The following E2F5 variants were observed in gnomAD, a reference collection of about 807,000 sequenced individuals.
The protein encoded by E2F5 is transcription factor E2F5.
A neutral mutation model predicts 39.1 loss-of-function variants in E2F5; 23 were observed. The ratio of observed to expected loss-of-function variants is 0.59; its 90% CI spans 0.42 to 0.83. The LOEUF (loss-of-function observed/expected upper bound fraction) is 0.83. Ranked by LOEUF, E2F5 falls within the 40% of genes least tolerant of loss-of-function variation. The pLI is 0.00. For missense variants in E2F5, 365 were observed against 406.7 expected, an observed-to-expected ratio of 0.90 and a Z score of 0.88; for synonymous variants, 145 against 157.8, an observed-to-expected ratio of 0.92 and a Z score of 0.61.
At chr8:85,201,314 A>G (rs1812694824) in intron 1 of E2F5, among the ~76,000 whole-genome samples, 1 of 152,218 alleles carries the variant, frequency 6.6e-6, no homozygotes, top group Non-Finnish European at 1.5e-5. Context: ...AGAGACACAA[A>G]TATTTGTAAC....
rs1237321560 is a variant in E2F5 at position 85,206,019 on chromosome 8, T to C, written c.507-158T>C. ...AGCAAAGGATGGGAACTCCTTTGTC[T>C]TTACCTTTCTAGACTAGACTTCTTT... On this transcript the variant is annotated intron_variant, in intron 3 of 7. Transcript: ENST00000416274. 9.2e-6 allele frequency: 6 copies of C among 649,002 alleles called. No individual in the cohort carries two copies. In the Admixed American group the frequency reaches 1.3e-4, roughly 14 times the overall value. 40.2% of individuals were successfully genotyped at this position (649,002 alleles called of 1,614,324 possible).
chr8:85,213,843 TC>T lies in E2F5; in HGVS notation c.1024del (p.Gln342ArgfsTer3). On this transcript the variant is annotated frameshift_variant, in exon 8 of 8. Transcript: ENST00000416274. LOFTEE classifies it high-confidence loss of function. Reference sequence around the variant, plus strand: ...GAAGGAGTTTGTGATCTGTTTGATGTCCAGATACTAAATTATTAGATTCCAT... The same window carrying T: ...GAAGGAGTTTGTGATCTGTTTGATGTCAGATACTAAATTATTAGATTCCAT... ...DNEGVCDLFD[V>X]QILNY 6.2e-7 allele frequency: 1 copy of T among 1,604,558 alleles called. No homozygotes were observed.
chr8:85,190,669 A>G (rs1812443022), intron 1 of E2F5, among the ~76,000 whole-genome samples: 1 of 151,656 alleles, frequency 6.6e-6, no homozygotes, highest in African/African-American at 2.4e-5. Context: ...ATGCCCAGGT[A>G]ATTTTTGTAT....
chr8:85,196,476 T>A (rs1812583458), intron 1 of E2F5, among the ~76,000 whole-genome samples: 1 of 152,202 alleles, frequency 6.6e-6, no homozygotes, highest in Non-Finnish European at 1.5e-5. Context: ...ATCTTTCTGT[T>A]TTTTCAGGCC....
chr8:85,190,726 A>G (rs1812444263), intron 1 of E2F5, among the ~76,000 whole-genome samples: 1 of 151,470 alleles, frequency 6.6e-6, no homozygotes, highest in Non-Finnish European at 1.5e-5. Flanking sequence ...CTGGTCTCGA[A>G]CTCCTGACCT....
Position 85,214,492 on chromosome 8 carries a change from A to C in E2F5, c.*630A>C. The C allele has an allele frequency of 4.5e-6, 5 of 1,120,982 alleles. No individual in the cohort carries two copies. Among genetic ancestry groups the C allele is most frequent in the Non-Finnish European group, 6.7e-6 (5 of 748,528 alleles). The allele number at this position is 1,120,982 out of a possible 1,614,324, so 69.4% of individuals were successfully genotyped here. ...ATGCCTGTACATTAACAAGATTTTT[A>C]AAAATAAAATTGTATAAAACATTCA... On this transcript the variant is annotated 3_prime_UTR_variant, in exon 8 of 8. Coordinates refer to ENST00000416274, the MANE Select transcript of E2F5 (RefSeq NM_001951.4).
intron 6 of E2F5, among the ~76,000 whole-genome samples, chr8:85,210,394 C>T (rs374671678): frequency 6.6e-6 from 1 of 151,994 alleles, no homozygotes; most frequent in Non-Finnish European, 1.5e-5. Flanking sequence ...AAAGGTAGTG[C>T]TGGCTGGGCG....
At chr8:85,206,427 C>T (rs1392524273) in intron 4 of E2F5, among the ~76,000 whole-genome samples, 2 of 152,116 alleles carry the variant, frequency 1.3e-5, no homozygotes, top group Non-Finnish European at 2.9e-5. Flanking sequence ...TTCATTAGCT[C>T]CACTGGTAGG....
At chr8:85,180,524 ATATATATATATAT>A (rs1812185120) in intron 1 of E2F5, among the ~76,000 whole-genome samples, 1 of 6,668 alleles carries the variant, frequency 1.5e-4, no homozygotes, top group South Asian at 3.2e-3. Context: ...ATATATATAT[ATATATATATATAT>A]ATATATATAT....
At chr8:85,191,617 CAGTT>C (rs1812467349) in intron 1 of E2F5, among the ~76,000 whole-genome samples, 1 of 152,140 alleles carries the variant, frequency 6.6e-6, no homozygotes, top group African/African-American at 2.4e-5. Context: ...TCATTTGTGA[CAGTT>C]AGCAATGGAA....
chr8:85,211,192 C>G (rs911779228), intron 6 of E2F5, among the ~76,000 whole-genome samples: 1 of 142,202 alleles, frequency 7.0e-6, no homozygotes, highest in Admixed American at 7.3e-5. Flanking sequence ...TTGAGACCAA[C>G]CTGGGCAATA....
At chr8:85,180,879 G>C (rs1030390362) in intron 1 of E2F5, among the ~76,000 whole-genome samples, 4 of 147,728 alleles carry the variant, frequency 2.7e-5, no homozygotes, top group Non-Finnish European at 6.0e-5. Flanking sequence ...GCGCCCGGCC[G>C]GTCTTGTTTG....
chr8:85,189,173 T>C (rs1370191518), intron 1 of E2F5, among the ~76,000 whole-genome samples: 2 of 152,188 alleles, frequency 1.3e-5, no homozygotes, highest in African/African-American at 4.8e-5. Context: ...AGGATATACT[T>C]TCTGATGTTC....
intron 1 of E2F5, chr8:85,201,763 A>G (rs1430450005): frequency 5.7e-6 from 1 of 175,600 alleles, no homozygotes; most frequent in East Asian, 1.8e-4. Flanking sequence ...TTAAAAAATA[A>G]GTAATGCATC....
intron 1 of E2F5, among the ~76,000 whole-genome samples, chr8:85,182,667 C>G (rs1812245276): frequency 6.6e-6 from 1 of 152,148 alleles, no homozygotes; most frequent in African/African-American, 2.4e-5. Context: ...ATTTGAACAA[C>G]TGTTAAGATA....
At chr8:85,193,263 C>T (rs4150899) in intron 1 of E2F5, among the ~76,000 whole-genome samples, 1 of 152,018 alleles carries the variant, frequency 6.6e-6, no homozygotes, top group African/African-American at 2.4e-5. Context: ...GCGGGCAGAT[C>T]ACTTGAGGTC....
chr8:85,203,006 CTAAA>C, intron 2 of E2F5, 84 bp from the exon 3 acceptor site: 6 of 1,011,144 alleles, frequency 5.9e-6, no homozygotes, highest in Non-Finnish European at 2.6e-6. Flanking sequence ...GAATATATTA[CTAAA>C]TAAGTCAGTT....
Position 85,213,853 on chromosome 8 carries a change from A to G in E2F5, c.1032A>G (p.Leu344=), listed in dbSNP as rs1813017942. ...GVCDLFDVQI[L]NY is the part of the protein sequence containing the mutation. ...GTGATCTGTTTGATGTCCAGATACT[A>G]AATTATTAGATTCCATGGAAACTTG... is the stretch of plus-strand genomic sequence containing the variant. Residue 344 remains leucine (L), a synonymous_variant, in exon 8 of 8, where the codon CTA becomes CTG. Transcript: ENST00000416274. 6.3e-7 allele frequency: 1 copy of G among 1,590,432 alleles called. No individual in the cohort carries two copies.
intron 1 of E2F5, among the ~76,000 whole-genome samples, chr8:85,182,573 G>C (rs1812243416): frequency 6.6e-6 from 1 of 152,212 alleles, no homozygotes; most frequent in South Asian, 2.1e-4. Flanking sequence ...AGGAGGTACT[G>C]TGCTCCTGAA....
Sources: gnomAD v4.1 joint callset for allele counts (sites outside exome capture counted in the v4.1 genomes callset) on GRCh38, gnomAD v4.1.1 for gene constraint, MANE v1.5 for transcripts, NCBI Gene and HGNC (gene_info 2026-07-23, HGNC 2026-07-21) for gene names.